The following IGLL1 variants were observed in gnomAD, a reference collection of about 807,000 sequenced individuals.
The protein encoded by IGLL1 is immunoglobulin lambda-like polypeptide 1.
Under a neutral mutation model 10.5 loss-of-function variants are expected in IGLL1, and 10 were observed. The observed-to-expected ratio is 0.95, with a 90% CI of 0.59 to 1.62. IGLL1 has a LOEUF of 1.62. Among genes scored for constraint, IGLL1 ranks in the 40% most tolerant of loss-of-function variants. The probability of loss-of-function intolerance (pLI) is 0.00; values close to 1 mark genes in which losing one functional copy is unlikely to be tolerated. For missense variants in IGLL1, 284 were observed against 278.7 expected, an observed-to-expected ratio of 1.02 and a Z score of -0.14; for synonymous variants, 141 against 122.7, an observed-to-expected ratio of 1.15 and a Z score of -0.99.
rs928172085 is a variant in IGLL1, at chr22:23,579,589, A to T, written c.206+396T>A. 9.4e-5 allele frequency among the ~76,000 whole-genome samples: 11 copies of T among 117,188 alleles called. No homozygotes were observed. The East Asian group carries it at 2.4e-3, about 26-fold the overall frequency. 76.9% of individuals were successfully genotyped at this position (117,188 alleles called of 152,430 possible). ...TGACATAGGCCAAGGGGAAAAGAGGAGGGGGGGGAGGAGGAGTGGGAGGAG... is the reference window on the plus strand; with the variant it reads ...TGACATAGGCCAAGGGGAAAAGAGGTGGGGGGGGAGGAGGAGTGGGAGGAG... On this transcript the variant is annotated intron_variant, in intron 1 of 2. Transcript: ENST00000330377.
chr22:23,576,522 C>G (rs1324980559), intron 1 of IGLL1, among the ~76,000 whole-genome samples: 2 of 152,068 alleles, frequency 1.3e-5, no homozygotes, highest in Non-Finnish European at 2.9e-5. Context: ...CCTCCACATC[C>G]TGGGTTCAAG....
chr22:23,578,681 G>A (rs570479207), intron 1 of IGLL1, among the ~76,000 whole-genome samples: 40 of 152,196 alleles, frequency 2.6e-4, no homozygotes, highest in Non-Finnish European at 4.7e-4. Context: ...CAGGCCCGGT[G>A]TGGTGTCTCA....
chr22:23,575,995 A>C (rs566298103), intron 1 of IGLL1, among the ~76,000 whole-genome samples: 12 of 151,514 alleles, frequency 7.9e-5, no homozygotes, highest in African/African-American at 2.9e-4. Context: ...TGTGACCCCC[A>C]CTATTGCCCA....
chr22:23,578,791 C>G (rs1404573176), intron 1 of IGLL1, among the ~76,000 whole-genome samples: 1 of 151,702 alleles, frequency 6.6e-6, no homozygotes, highest in African/African-American at 2.4e-5. Context: ...TCTGTCTTTA[C>G]TAAAAAAAAA....
chr22:23,575,413 A>C (rs1307662309), intron 1 of IGLL1, among the ~76,000 whole-genome samples: 1 of 152,194 alleles, frequency 6.6e-6, no homozygotes, highest in African/African-American at 2.4e-5. Context: ...AAGTGTCCCC[A>C]GTCAAGGAGG....
chr22:23,580,042 A>G lies in IGLL1; in HGVS notation c.149T>C (p.Leu50Pro), dbSNP rs1211188168. 2 of 1,577,146 alleles carry G rather than the reference A, an allele frequency of 1.3e-6. No homozygotes were observed. The highest frequency in any genetic ancestry group is 1.7e-6 in the Non-Finnish European group (2 of 1,164,762). Residue 50 changes from leucine to proline, a missense_variant, in exon 1 of 3, where the codon CTG becomes CCG. Leu to Pro is a moderately conservative substitution (Grantham distance 98). Transcript: ENST00000330377. ...RPTAASQSRA[L>P]GPGAPGGSSR... ...GCTTCCTCCAGGGGCTCCAGGGCCC[A>G]GGGCCCTGCTCTGCGATGCAGCTGT...
intron 2 of IGLL1, among the ~76,000 whole-genome samples, chr22:23,574,606 A>C (rs562827171): frequency 6.2e-4 from 95 of 152,196 alleles, no homozygotes; most frequent in Middle Eastern, 3.4e-3. Context: ...TCAGCCTAGA[A>C]CCTGGGGTCC....
At position 23,580,159 on chromosome 22, in the gene IGLL1, T is replaced by C; in HGVS notation, c.32A>G (p.Glu11Gly). The change falls in exon 1 of 3, where the codon GAG (glutamate) becomes GGG (glycine). Residue 11 changes from glutamate (E) to glycine (G), a missense_variant. By Grantham distance (98) the Glu-to-Gly change is moderately conservative (BLOSUM62 -2). Transcript: ENST00000330377. ...GTTGGGGCCTGGCTCACCAGGGGCC[T>C]CAAGGCCCCCCTGGCCTGTCCCTGG... MRPGTGQGGL[E>G]APGEPGPNLR... is the part of the protein sequence containing the mutation. 1 of 1,548,300 alleles carries C rather than the reference T, an allele frequency of 6.5e-7. No individual in the cohort carries two copies. The highest frequency in any genetic ancestry group is 2.4e-5 in the East Asian group (1 of 41,868).
chr22:23,575,761 G>A (rs1925028187), intron 1 of IGLL1, among the ~76,000 whole-genome samples: 1 of 152,174 alleles, frequency 6.6e-6, no homozygotes. Context: ...CCAGGCCATG[G>A]TCAACAAGGC....
At chr22:23,577,578 C>A (rs1925124652) in intron 1 of IGLL1, among the ~76,000 whole-genome samples, 1 of 144,950 alleles carries the variant, frequency 6.9e-6, no homozygotes, top group South Asian at 2.2e-4. Context: ...CCTTCTGTCA[C>A]CCAGGCTGGA....
In IGLL1 at chr22:23,580,171, T is replaced by C. The variant is rs751849154; in HGVS notation, c.20A>G (p.Gln7Arg). Reference sequence around the variant, plus strand: ...CTCACCAGGGGCCTCAAGGCCCCCCTGGCCTGTCCCTGGCCTCATCGGCCC... The same window carrying C: ...CTCACCAGGGGCCTCAAGGCCCCCCCGGCCTGTCCCTGGCCTCATCGGCCC... The part of the protein sequence containing the change: MRPGTG[Q>R]GGLEAPGEPG... Residue 7 changes from glutamine to arginine, a missense_variant, in exon 1 of 3, where the codon CAG becomes CGG. Gln to Arg is a conservative substitution (Grantham distance 43). Coordinates refer to ENST00000330377, the MANE Select transcript of IGLL1 (RefSeq NM_020070.4). 6.5e-7 allele frequency: 1 copy of C among 1,543,622 alleles called. No individual in the cohort carries two copies. Among genetic ancestry groups the C allele is most frequent in the South Asian group, 1.2e-5 (1 of 84,218 alleles).
chr22:23,580,176 T>C lies in IGLL1; in HGVS notation c.15A>G (p.Thr5=). 1 of 1,542,264 alleles carries C rather than the reference T, an allele frequency of 6.5e-7. No individual in the cohort carries two copies. Among genetic ancestry groups the C allele is most frequent in the Non-Finnish European group, 8.7e-7 (1 of 1,147,830 alleles). The change falls in exon 1 of 3, where the codon ACA becomes ACG. Residue 5 remains threonine (T), a synonymous_variant. Coordinates refer to ENST00000330377, the MANE Select transcript of IGLL1 (RefSeq NM_020070.4). ...CAGGGGCCTCAAGGCCCCCCTGGCC[T>C]GTCCCTGGCCTCATCGGCCCTCAGG... MRPG[T]GQGGLEAPGE... is the part of the protein sequence containing the mutation.
chr22:23,574,963 T>A lies in IGLL1; in HGVS notation c.322+4A>T, dbSNP rs753787644. On this transcript the variant is annotated splice_donor_region_variant and intron_variant, in intron 2 of 2. Transcript: ENST00000330377. The stretch of plus-strand genomic sequence containing the variant: ...GGACAGCCTGGGAAGTTAGAGCCAC[T>A]TACTTAAAACGGTGAGCTGGGTCCC... 41 of 1,599,390 alleles carry A rather than the reference T, an allele frequency of 2.6e-5. No homozygotes were observed. Among genetic ancestry groups the A allele is most frequent in the Non-Finnish European group, 3.4e-5 (40 of 1,166,872 alleles).
At chr22:23,579,819 A>G (rs1471715753) in intron 1 of IGLL1, among the ~76,000 whole-genome samples, 166 bp downstream of exon 1, 1 of 152,172 alleles carries the variant, frequency 6.6e-6, no homozygotes, top group Non-Finnish European at 1.5e-5. Context: ...ATAAAAATTA[A>G]TTCAAAGATG....
rs942350878 is a variant in IGLL1, at chr22:23,575,100, C to G, written c.207-18G>C. On this transcript the variant is annotated intron_variant, in intron 1 of 2. Transcript: ENST00000330377. ...GCAGGAACCTGCTGGGAGTGAGGGG[C>G]ACAGGGCTGCAGTGTGTAGGCTGTG... 1 of 1,566,202 alleles carries G rather than the reference C, an allele frequency of 6.4e-7. No homozygotes were observed. Among genetic ancestry groups the G allele is most frequent in the Non-Finnish European group, 8.8e-7 (1 of 1,136,392 alleles).
At chr22:23,575,802 G>T (rs1373085454) in intron 1 of IGLL1, among the ~76,000 whole-genome samples, 1 of 152,162 alleles carries the variant, frequency 6.6e-6, no homozygotes, top group East Asian at 1.9e-4. Context: ...AGGTCCTTCT[G>T]CTGTACCTGG....
rs75088277 is a variant in IGLL1, at chr22:23,573,359, G to A, written c.549C>T (p.Pro183=). Reference sequence around the variant, plus strand: ...AGCTTCTGCGGGACCTCCACTGCTCGGGCGTCAGGCTCAGGTAGCTGCTGG... The same window carrying A: ...AGCTTCTGCGGGACCTCCACTGCTCAGGCGTCAGGCTCAGGTAGCTGCTGG... ...YAASSYLSLT[P]EQWRSRRSYS... is the part of the protein sequence containing the mutation. The change falls in exon 3 of 3, where the codon CCC becomes CCT. Residue 183 remains proline (P), a synonymous_variant. Coordinates refer to ENST00000330377, the MANE Select transcript of IGLL1 (RefSeq NM_020070.4). 23,008 of 1,614,050 alleles carry A rather than the reference G, an allele frequency of 0.014. 349 individuals carry two copies. Among genetic ancestry groups the A allele is most frequent in the African/African-American group, 0.074 (5,524 of 74,988 alleles).
intron 1 of IGLL1, among the ~76,000 whole-genome samples, chr22:23,578,524 C>T (rs1925172989): frequency 6.6e-6 from 1 of 152,200 alleles, no homozygotes; most frequent in Non-Finnish European, 1.5e-5. Flanking sequence ...CCATGCTGAC[C>T]CCGCCTCCAT....
Position 23,580,083 on chromosome 22 carries a change from A to C in IGLL1, c.108T>G (p.His36Gln). The change falls in exon 1 of 3, where the codon CAT becomes CAG. Residue 36 changes from histidine to glutamine, a missense_variant. Transcript: ENST00000330377. ...LLLLGLAVVTHGLLRPTAASQ... is the reference protein window; with the variant it reads ...LLLLGLAVVTQGLLRPTAASQ... Reference sequence around the variant, plus strand: ...ATGCAGCTGTTGGGCGCAGCAGGCCATGGGTTACCACGGCCAGACCCAGCA... The same window carrying C: ...ATGCAGCTGTTGGGCGCAGCAGGCCCTGGGTTACCACGGCCAGACCCAGCA... 1 of 1,571,780 alleles carries C rather than the reference A, an allele frequency of 6.4e-7. No individual in the cohort carries two copies. Among genetic ancestry groups the C allele is most frequent in the Non-Finnish European group, 8.6e-7 (1 of 1,161,010 alleles).
Sources: gnomAD v4.1 joint callset for allele counts (sites outside exome capture counted in the v4.1 genomes callset) on GRCh38, gnomAD v4.1.1 for gene constraint, MANE v1.5 for transcripts, NCBI Gene and HGNC (gene_info 2026-07-23, HGNC 2026-07-21) for gene names.